ZC3H3: variants seen among roughly 807,000 people sequenced by gnomAD.
ZC3H3 encodes the protein zinc finger CCCH-type containing 3.
ZC3H3 carries 36 observed loss-of-function variants against 77.3 expected under a neutral mutation model. The observed-to-expected ratio is 0.47, with a 90% CI of 0.36 to 0.61. The LOEUF is 0.61. Ranked by LOEUF, ZC3H3 falls within the 20% of genes least tolerant of loss-of-function variation. The pLI is 0.00. For missense variants in ZC3H3, 1,331 were observed against 1,312.2 expected (o/e 1.01, Z -0.22); for synonymous variants, 626 against 555.2 (o/e 1.13, Z -1.79).
At chr8:143,529,521 C>G (rs1755312148) in intron 3 of ZC3H3, among the ~76,000 whole-genome samples, 1 of 152,208 alleles carries the variant, frequency 6.6e-6, no homozygotes, top group Non-Finnish European at 1.5e-5. Flanking sequence ...AGAGAGGTCA[C>G]ATGAACAGCC....
At chr8:143,459,681 C>G (rs1820206922) in intron 9 of ZC3H3, among the ~76,000 whole-genome samples, 1 of 152,014 alleles carries the variant, frequency 6.6e-6, no homozygotes. Context: ...CATGAGCTGA[C>G]CACCTTAATA....
intron 4 of ZC3H3, among the ~76,000 whole-genome samples, chr8:143,489,511 CA>C (rs1821141012): frequency 6.6e-6 from 1 of 152,156 alleles, no homozygotes; most frequent in Non-Finnish European, 1.5e-5. Flanking sequence ...GGAGAGGGGC[CA>C]GGGGAGGAGC....
chr8:143,441,535 C>A (rs984516227), intron 9 of ZC3H3, among the ~76,000 whole-genome samples: 1 of 152,052 alleles, frequency 6.6e-6, no homozygotes, highest in Non-Finnish European at 1.5e-5. Flanking sequence ...TAGGCTGGGC[C>A]GGGAGAGGGT....
intron 3 of ZC3H3, 144 bp downstream of exon 3, chr8:143,536,113 C>T: frequency 9.6e-7 from 1 of 1,038,492 alleles, no homozygotes; most frequent in South Asian, 1.6e-5. Flanking sequence ...TGCCAGCCCA[C>T]CACCACCGTC....
intron 1 of ZC3H3, 151 bp from the exon 2 acceptor site, chr8:143,539,471 G>A (rs1185133590): frequency 4.8e-6 from 4 of 828,480 alleles, no homozygotes; most frequent in Non-Finnish European, 7.3e-6. Flanking sequence ...CCCAGAGCCT[G>A]GGACTCACTG....
Position 143,507,914 on chromosome 8 carries a change from C to T in ZC3H3, c.1562-15G>A. On this transcript the variant is annotated splice_polypyrimidine_tract_variant and intron_variant, in intron 3 of 11. Coordinates refer to ENST00000262577, the MANE Select transcript of ZC3H3 (RefSeq NM_015117.3). Reference sequence around the variant, plus strand: ...CAGGCTGGACGCTGTAGAGAAAACCCAGGGCACAGACATGGGTCAGGGAAG... The same window carrying T: ...CAGGCTGGACGCTGTAGAGAAAACCTAGGGCACAGACATGGGTCAGGGAAG... 1 of 1,572,246 alleles carries T rather than the reference C, an allele frequency of 6.4e-7. No individual in the cohort carries two copies. The highest frequency in any genetic ancestry group is 2.3e-5 in the East Asian group (1 of 42,696).
intron 3 of ZC3H3, among the ~76,000 whole-genome samples, chr8:143,534,840 C>T (rs996228243): frequency 2.6e-5 from 4 of 152,218 alleles, no homozygotes; most frequent in Non-Finnish European, 4.4e-5. Flanking sequence ...TGTCGGCTAA[C>T]GGGGTACAGC....
chr8:143,464,930 A>G (rs1207170004), intron 9 of ZC3H3, among the ~76,000 whole-genome samples: 1 of 151,672 alleles, frequency 6.6e-6, no homozygotes, highest in Non-Finnish European at 1.5e-5. Flanking sequence ...GCTGGGGTAG[A>G]GGGGGCTTGT....
At chr8:143,461,392 C>T (rs1285302862) in intron 9 of ZC3H3, among the ~76,000 whole-genome samples, 2 of 152,122 alleles carry the variant, frequency 1.3e-5, no homozygotes, top group Admixed American at 1.3e-4. Context: ...AAGCCTTGCT[C>T]GCTGCCGGCA....
chr8:143,465,545 C>A (rs1820385977), intron 9 of ZC3H3, among the ~76,000 whole-genome samples, 172 bp downstream of exon 9: 1 of 152,212 alleles, frequency 6.6e-6, no homozygotes. Flanking sequence ...GCTGTGCAAC[C>A]CCGGGAAAGT....
Position 143,539,075 on chromosome 8 carries a change from C to G in ZC3H3, c.292G>C (p.Ala98Pro), listed in dbSNP as rs754166703. The G allele has an allele frequency of 6.2e-7, 1 of 1,612,950 alleles. No homozygotes were observed. Among genetic ancestry groups the G allele is most frequent in the Non-Finnish European group, 8.5e-7 (1 of 1,180,002 alleles). ...ADHAVRPLHG[A>P]RGGQPPVPQQ... ...GGGACAGGAGGCTGGCCCCCCCGGG[C>G]CCCGTGCAACGGCCGCACAGCATGG... The change falls in exon 2 of 12, where the codon GCC becomes CCC. Residue 98 changes from alanine (A) to proline (P), a missense_variant. Physicochemically the swap from Ala to Pro is conservative, Grantham distance 27. Transcript: ENST00000262577.
At chr8:143,484,297 C>T (rs1196044824) in intron 4 of ZC3H3, among the ~76,000 whole-genome samples, 2 of 152,304 alleles carry the variant, frequency 1.3e-5, no homozygotes, top group South Asian at 2.1e-4. Flanking sequence ...GATTCGGAGG[C>T]GCCTCTGCAG....
chr8:143,479,641 T>C (rs1252574935), intron 4 of ZC3H3, among the ~76,000 whole-genome samples: 2 of 152,232 alleles, frequency 1.3e-5, no homozygotes, highest in Non-Finnish European at 2.9e-5. Context: ...TCCCTTCAAA[T>C]CCATTTCTAA....
At chr8:143,453,300 G>A (rs1820034188) in intron 9 of ZC3H3, among the ~76,000 whole-genome samples, 1 of 151,858 alleles carries the variant, frequency 6.6e-6, no homozygotes, top group Admixed American at 6.6e-5. Flanking sequence ...TGTTGACCAG[G>A]CTAATCTCAA....
chr8:143,441,804 C>T (rs942368024), intron 9 of ZC3H3, among the ~76,000 whole-genome samples: 1 of 152,206 alleles, frequency 6.6e-6, no homozygotes, highest in African/African-American at 2.4e-5. Context: ...GCCCACCCCT[C>T]CCGGGCTCTG....
chr8:143,498,589 T>C (rs1017046992), intron 4 of ZC3H3, among the ~76,000 whole-genome samples: 4 of 152,032 alleles, frequency 2.6e-5, no homozygotes, highest in Admixed American at 2.6e-4. Flanking sequence ...CATGCAGCCC[T>C]GTCCTCCCCG....
At chr8:143,477,125 C>A (rs1195967989) in intron 4 of ZC3H3, among the ~76,000 whole-genome samples, 1 of 152,230 alleles carries the variant, frequency 6.6e-6, no homozygotes, top group African/African-American at 2.4e-5. Context: ...GGCCTTGGTC[C>A]CTCTGCCTGC....
chr8:143,478,596 G>A (rs566917976), intron 4 of ZC3H3, among the ~76,000 whole-genome samples: 8 of 152,278 alleles, frequency 5.3e-5, no homozygotes, highest in East Asian at 1.9e-4. Flanking sequence ...TGCAACCTCC[G>A]CCTCCCGGGT....
intron 3 of ZC3H3, among the ~76,000 whole-genome samples, chr8:143,513,156 C>T (rs1178516121): frequency 2.6e-5 from 4 of 152,120 alleles, no homozygotes; most frequent in Admixed American, 6.5e-5. Flanking sequence ...TGCTCACACC[C>T]ACGGCCTCAG....
Sources: gnomAD v4.1 joint callset for allele counts (sites outside exome capture counted in the v4.1 genomes callset) on GRCh38, gnomAD v4.1.1 for gene constraint, MANE v1.5 for transcripts, NCBI Gene and HGNC (gene_info 2026-07-23, HGNC 2026-07-21) for gene names.